MMP26: variants seen among roughly 807,000 people sequenced by gnomAD.
MMP26 encodes the protein matrix metallopeptidase 26, also known as matrix metalloproteinase-26.
MMP26 carries 33 observed loss-of-function variants against 31.0 expected under a neutral mutation model. The ratio of observed to expected loss-of-function variants is 1.06; its 90% confidence interval spans 0.81 to 1.42. The LOEUF (loss-of-function observed/expected upper bound fraction) is 1.42. Among genes scored for constraint, MMP26 ranks in the 40% most tolerant of loss-of-function variants. The pLI is 0.00. For synonymous variants in MMP26, 122 were observed against 114.9 expected (o/e 1.06, Z -0.40); for missense variants, 347 against 316.1 (o/e 1.10, Z -0.74).
chr11:4,842,742 C>T (rs1849813833), intron 2 of MMP26, among the ~76,000 whole-genome samples: 1 of 152,124 alleles, frequency 6.6e-6, no homozygotes, highest in Non-Finnish European at 1.5e-5. Flanking sequence ...TCCTGCTTTC[C>T]CTATAGTCCC....
intron 2 of MMP26, among the ~76,000 whole-genome samples, chr11:4,912,241 A>T (rs1187353198): frequency 1.3e-5 from 2 of 150,824 alleles, no homozygotes; most frequent in Admixed American, 1.3e-4. Flanking sequence ...AGTTCTTTTT[A>T]AAATAAAATT....
At chr11:4,730,063 A>T (rs1397601474) in intron 1 of MMP26, among the ~76,000 whole-genome samples, 1 of 152,020 alleles carries the variant, frequency 6.6e-6, no homozygotes, top group Non-Finnish European at 1.5e-5. Flanking sequence ...ACTAATACAC[A>T]TCACCTTTTC....
chr11:4,810,014 G>A (rs745358652), intron 2 of MMP26, among the ~76,000 whole-genome samples: 6 of 152,190 alleles, frequency 3.9e-5, no homozygotes, highest in Non-Finnish European at 7.4e-5. Context: ...ATGTCTGGAC[G>A]TTTCCGACCT....
chr11:4,873,352 T>G (rs969786254), intron 2 of MMP26, among the ~76,000 whole-genome samples: 1 of 152,124 alleles, frequency 6.6e-6, no homozygotes, highest in Non-Finnish European at 1.5e-5. Flanking sequence ...TAGCATATCG[T>G]CTCTTCATCT....
At chr11:4,937,303 C>G (rs191007202) in intron 2 of MMP26, 1 of 152,284 alleles carries the variant, frequency 6.6e-6, no homozygotes, top group East Asian at 1.9e-4. Flanking sequence ...AAACATTCAA[C>G]GTCTATTTAG....
chr11:4,759,516 T>A (rs1848547064), intron 1 of MMP26, among the ~76,000 whole-genome samples: 1 of 152,204 alleles, frequency 6.6e-6, no homozygotes, highest in Non-Finnish European at 1.5e-5. Flanking sequence ...ATTGAGTGCC[T>A]ACTTTGCACA....
chr11:4,917,808 T>C (rs1191574299), intron 2 of MMP26, among the ~76,000 whole-genome samples: 1 of 152,084 alleles, frequency 6.6e-6, no homozygotes, highest in Non-Finnish European at 1.5e-5. Flanking sequence ...AGTGTTTTCA[T>C]TGCACTATGA....
At chr11:4,909,092 A>G (rs186559630) in intron 2 of MMP26, 4 of 152,250 alleles carry the variant, frequency 2.6e-5, no homozygotes, top group Middle Eastern at 3.4e-3. Flanking sequence ...TAAACCCCCT[A>G]TGGTTTTGCT....
intron 2 of MMP26, among the ~76,000 whole-genome samples, chr11:4,854,421 C>T (rs1448560402): frequency 2.6e-5 from 4 of 152,220 alleles, no homozygotes; most frequent in Non-Finnish European, 4.4e-5. Context: ...TTGTATCCCA[C>T]GCCTGGCTCG....
At chr11:4,773,156 C>T (rs1848747647) in intron 2 of MMP26, among the ~76,000 whole-genome samples, 1 of 152,176 alleles carries the variant, frequency 6.6e-6, no homozygotes, top group South Asian at 2.1e-4. Context: ...AAAATAGTCC[C>T]TCAGTACTCC....
chr11:4,985,278 A>G (rs1424096528), intron 2 of MMP26, among the ~76,000 whole-genome samples: 1 of 152,222 alleles, frequency 6.6e-6, no homozygotes, highest in African/African-American at 2.4e-5. Context: ...AGAATATAAT[A>G]AGGTCTATAT....
chr11:4,842,827 T>C (rs889391842), intron 2 of MMP26, among the ~76,000 whole-genome samples: 2 of 152,228 alleles, frequency 1.3e-5, no homozygotes, highest in Admixed American at 1.3e-4. Context: ...GGCAAGTTTC[T>C]CACACTGGTG....
At chr11:4,954,297 G>C (rs1846404583) in intron 2 of MMP26, among the ~76,000 whole-genome samples, 1 of 123,228 alleles carries the variant, frequency 8.1e-6, no homozygotes, top group South Asian at 2.4e-4. Flanking sequence ...TCACTACCTG[G>C]GTCCAATACC....
chr11:4,906,128 G>A (rs1328031235), intron 2 of MMP26, among the ~76,000 whole-genome samples: 1 of 152,290 alleles, frequency 6.6e-6, no homozygotes, highest in East Asian at 1.9e-4. Context: ...CCTGAAGTGT[G>A]AACCATAAGT....
intron 2 of MMP26, chr11:4,860,499 C>T (rs925229755): frequency 4.5e-5 from 21 of 470,768 alleles, no homozygotes; most frequent in Admixed American, 7.1e-5. Context: ...TCTTGTCTGG[C>T]GTTCCTGGGA....
At chr11:4,873,132 G>A (rs993533050) in intron 2 of MMP26, among the ~76,000 whole-genome samples, 2 of 151,992 alleles carry the variant, frequency 1.3e-5, no homozygotes, top group African/African-American at 4.8e-5. Flanking sequence ...AATTAAACAT[G>A]ATCAACTTTT....
chr11:4,768,980 C>G, intron 2 of MMP26: 1 of 1,494,572 alleles, frequency 6.7e-7, no homozygotes, highest in East Asian at 2.3e-5. Flanking sequence ...TATGTCTGTT[C>G]ATTTTGTAAG....
In MMP26 at chr11:4,986,944, T is replaced by C. The variant is rs1364777514; in HGVS notation, c.-144-1124T>C. ...CTCTCTCTCTCTCCCTCTCTCTCTCTCTCTCTCTCTCTCTCCCTCTCTCTC... is the reference window on the plus strand; with the variant it reads ...CTCTCTCTCTCTCCCTCTCTCTCTCCCTCTCTCTCTCTCTCCCTCTCTCTC... On this transcript the variant is annotated intron_variant, in intron 2 of 7. Coordinates refer to ENST00000380390, the MANE Select transcript of MMP26 (RefSeq NM_021801.5). Among the ~76,000 whole-genome samples, 124 of 135,710 alleles carry C rather than the reference T, an allele frequency of 9.1e-4. 3 individuals carry two copies. The highest frequency in any genetic ancestry group is 3.9e-3 in the Middle Eastern group (1 of 256). 89.0% of individuals were successfully genotyped at this position (135,710 alleles called of 152,430 possible). A position where few individuals can be genotyped will look rare whatever the true frequency, so the allele number is the denominator to read the frequency against.
At chr11:4,843,335 G>A (rs1849822037) in intron 2 of MMP26, among the ~76,000 whole-genome samples, 1 of 152,214 alleles carries the variant, frequency 6.6e-6, no homozygotes, top group African/African-American at 2.4e-5. Context: ...CACCACCCCT[G>A]CAGCAGACTT....
Sources: gnomAD v4.1 joint callset for allele counts (sites outside exome capture counted in the v4.1 genomes callset) on GRCh38, gnomAD v4.1.1 for gene constraint, MANE v1.5 for transcripts, NCBI Gene and HGNC (gene_info 2026-07-23, HGNC 2026-07-21) for gene names.